DOCK11: variants seen among roughly 807,000 people sequenced by gnomAD.
DOCK11 encodes dedicator of cytokinesis 11.
Under a neutral mutation model 169.1 loss-of-function variants are expected in DOCK11, and 70 were observed. The ratio of observed to expected loss-of-function variants is 0.41; its 90% CI spans 0.34 to 0.51. The LOEUF (loss-of-function observed/expected upper bound fraction) is 0.51. DOCK11 is among the 20% of genes least tolerant of loss of function. The pLI is 0.10. For synonymous variants in DOCK11, 529 were observed against 541.3 expected, an observed-to-expected ratio of 0.98 and a Z score of 0.32; for missense variants, 1,166 against 1,538.8, an observed-to-expected ratio of 0.76 and a Z score of 4.05.
chrX:118,564,711 TTC>T (rs369788914), intron 7 of DOCK11, among the ~76,000 whole-genome samples: 13 of 105,353 alleles, frequency 1.2e-4, no homozygotes, highest in Non-Finnish European at 1.9e-4. Flanking sequence ...TTCTTTCTCT[TTC>T]TCTCTCTCTC....
At chrX:118,503,717 A>G (rs2057591307) in intron 1 of DOCK11, among the ~76,000 whole-genome samples, 1 of 70,817 alleles carries the variant, frequency 1.4e-5, no homozygotes, top group Non-Finnish European at 3.0e-5. Context: ...AAAGTGTTCC[A>G]AGTGGGTTCA....
At chrX:118,617,837 T>G (rs1166558421) in intron 30 of DOCK11, among the ~76,000 whole-genome samples, 4 of 111,546 alleles carry the variant, frequency 3.6e-5, no homozygotes, top group Non-Finnish European at 7.5e-5. Flanking sequence ...GAGCTGAGAT[T>G]GTGCCACTGA....
intron 1 of DOCK11, among the ~76,000 whole-genome samples, chrX:118,539,408 G>T (rs2011877049): frequency 9.0e-6 from 1 of 111,287 alleles, no homozygotes; most frequent in Non-Finnish European, 1.9e-5. Flanking sequence ...AAGCAGGGTA[G>T]AATGGTGGTT....
At chrX:118,588,036 G>A (rs1484246907) in intron 16 of DOCK11, 101 bp from the exon 17 acceptor site, 6 of 757,692 alleles carry the variant, frequency 7.9e-6, no homozygotes, top group African/African-American at 4.3e-5. Flanking sequence ...TTTTTAAATC[G>A]CTCTTTGAGA....
intron 12 of DOCK11, 136 bp downstream of exon 12, chrX:118,574,154 G>C (rs772642738): frequency 1.5e-6 from 1 of 688,761 alleles, no homozygotes; most frequent in South Asian, 3.5e-5. Flanking sequence ...GATTTTTCTG[G>C]TTACTGAAGT....
At chrX:118,615,767 G>A (rs1265895753) in intron 30 of DOCK11, 56 bp downstream of exon 30, 7 of 923,849 alleles carry the variant, frequency 7.6e-6, no homozygotes, top group South Asian at 4.3e-5. Flanking sequence ...TTTTGCTAGC[G>A]CTAGTGTAGT....
chrX:118,638,121 T>A lies in DOCK11; in HGVS notation c.3995T>A (p.Ile1332Lys). ...FHFRYMGKRN[I>K]ARVHDAWLSK... Reference sequence around the variant, plus strand: ...TTTAGATATATGGGGAAAAGAAACATAGCAAGGTAATTCCCATAGCACTGC... The same window carrying A: ...TTTAGATATATGGGGAAAAGAAACAAAGCAAGGTAATTCCCATAGCACTGC... Residue 1332 changes from isoleucine (I) to lysine (K), a missense_variant, in exon 37 of 53, where the codon ATA (isoleucine) becomes AAA (lysine). By Grantham distance (102) the Ile-to-Lys change is moderately radical. Coordinates refer to ENST00000276202, the MANE Select transcript of DOCK11 (RefSeq NM_144658.4). The A allele has an allele frequency of 8.3e-7, 1 of 1,207,071 alleles. No homozygotes were observed. Among genetic ancestry groups the A allele is most frequent in the Non-Finnish European group, 1.1e-6 (1 of 892,095 alleles).
At chrX:118,511,007 C>T (rs1473369806) in intron 1 of DOCK11, among the ~76,000 whole-genome samples, 1 of 112,385 alleles carries the variant, frequency 8.9e-6, no homozygotes, top group Non-Finnish European at 1.9e-5. Flanking sequence ...CAGCCCTCCT[C>T]ACACTGGCCA....
chrX:118,583,999 A>T (rs769700424), intron 14 of DOCK11, among the ~76,000 whole-genome samples: 4 of 110,967 alleles, frequency 3.6e-5, no homozygotes, highest in Non-Finnish European at 7.6e-5. Context: ...CAGAGAACCG[A>T]CTCTACATTG....
intron 1 of DOCK11, among the ~76,000 whole-genome samples, chrX:118,505,803 G>T (rs2057607322): frequency 8.9e-6 from 1 of 112,501 alleles, no homozygotes; most frequent in Non-Finnish European, 1.9e-5. Flanking sequence ...GGGCCGGAAG[G>T]CTCTCCAGAC....
chrX:118,627,110 C>T (rs2015125940), intron 32 of DOCK11, among the ~76,000 whole-genome samples: 1 of 111,641 alleles, frequency 9.0e-6, no homozygotes, highest in African/African-American at 3.3e-5. Flanking sequence ...TACCTGTAGT[C>T]CTGGCTAATC....
At chrX:118,601,944 ATTT>A (rs55740749) in intron 23 of DOCK11, among the ~76,000 whole-genome samples, 1 of 95,071 alleles carries the variant, frequency 1.1e-5, no homozygotes, top group Non-Finnish European at 2.1e-5. Flanking sequence ...TGCCCAGCTA[ATTT>A]TTTTTTTTTT....
intron 1 of DOCK11, among the ~76,000 whole-genome samples, chrX:118,506,070 C>T (rs1188633821): frequency 1.8e-5 from 2 of 111,299 alleles, no homozygotes; most frequent in East Asian, 5.7e-4. Context: ...CTGGGAGATA[C>T]AGGGAGACCC....
intron 44 of DOCK11, among the ~76,000 whole-genome samples, chrX:118,658,700 G>A (rs1272745771): frequency 8.9e-6 from 1 of 112,388 alleles, no homozygotes. Flanking sequence ...AATACTGAGT[G>A]TCAGCTATTC....
chrX:118,662,252 C>T (rs1174791637), intron 44 of DOCK11, among the ~76,000 whole-genome samples: 1 of 111,779 alleles, frequency 8.9e-6, no homozygotes, highest in African/African-American at 3.3e-5. Flanking sequence ...TCTCCAACAT[C>T]TCACTTCCTC....
chrX:118,646,194 G>C (rs1328260653), intron 40 of DOCK11, among the ~76,000 whole-genome samples: 2 of 111,662 alleles, frequency 1.8e-5, no homozygotes, highest in Non-Finnish European at 3.8e-5. Context: ...AAGGCTCTGA[G>C]TTGGGAAACA....
At chrX:118,610,096 T>G (rs1452682291) in intron 27 of DOCK11, among the ~76,000 whole-genome samples, 176 bp from the exon 28 acceptor site, 1 of 112,310 alleles carries the variant, frequency 8.9e-6, no homozygotes, top group East Asian at 2.8e-4. Flanking sequence ...AGATAGTTCC[T>G]GTAATTATAT....
Position 118,589,109 on chromosome X carries a change from C to T in DOCK11, c.2046+631C>T, listed in dbSNP as rs996860495. Among the ~76,000 whole-genome samples the T allele has an allele frequency of 2.0e-4, 22 of 112,269 alleles. 1 individual carries two copies. Among genetic ancestry groups the T allele is most frequent in the Non-Finnish European group, 2.8e-4 (15 of 53,250 alleles). ...GGCTCCCCATTTCTCTTGCATCAGCCTAAATCAGACAGATGGATGCTGGGT... is the reference window on the plus strand; with the variant it reads ...GGCTCCCCATTTCTCTTGCATCAGCTTAAATCAGACAGATGGATGCTGGGT... On this transcript the variant is annotated intron_variant, in intron 18 of 52. Coordinates refer to ENST00000276202, the MANE Select transcript of DOCK11 (RefSeq NM_144658.4).
At chrX:118,524,161 C>T (rs997428600) in intron 1 of DOCK11, among the ~76,000 whole-genome samples, 1 of 111,566 alleles carries the variant, frequency 9.0e-6, no homozygotes, top group Non-Finnish European at 1.9e-5. Flanking sequence ...CATTAGTACA[C>T]AAGTGCCCCA....
Sources: gnomAD v4.1 joint callset for allele counts (sites outside exome capture counted in the v4.1 genomes callset) on GRCh38, gnomAD v4.1.1 for gene constraint, MANE v1.5 for transcripts, NCBI Gene and HGNC (gene_info 2026-07-23, HGNC 2026-07-21) for gene names.